Variants in HLA-DPA1 observed in about 807,000 individuals in gnomAD.
HLA-DPA1 encodes HLA class II histocompatibility antigen, DP alpha 1 chain.
HLA-DPA1 carries 20 observed loss-of-function variants against 21.5 expected under a neutral mutation model. The observed-to-expected ratio is 0.93, with a 90% CI of 0.66 to 1.35. The LOEUF is 1.35. HLA-DPA1 is among the 40% of genes most tolerant of loss of function. The probability of loss-of-function intolerance (pLI) is 0.00; values close to 1 mark genes in which losing one functional copy is unlikely to be tolerated. For synonymous variants in HLA-DPA1, 123 were observed against 129.6 expected, an observed-to-expected ratio of 0.95 and a Z score of 0.35; for missense variants, 279 against 323.0, an observed-to-expected ratio of 0.86 and a Z score of 1.05.
intron 4 of HLA-DPA1, 21 bp from the exon 4 acceptor site, chr6:33,068,825 T>C (rs369210530): frequency 6.7e-5 from 108 of 1,611,744 alleles, no homozygotes; most frequent in Non-Finnish European, 8.9e-5. Flanking sequence ...AATGAAGAGA[T>C]AGGGTCAGGA....
chr6:33,077,934 G>T (rs1380131136), intron 1 of HLA-DPA1, among the ~76,000 whole-genome samples: 1 of 152,152 alleles, frequency 6.6e-6, no homozygotes, highest in Admixed American at 6.5e-5. Flanking sequence ...GTCACAGAAG[G>T]GTGCTGAGAA....
At chr6:33,076,870 A>G (rs767146363) in intron 1 of HLA-DPA1, among the ~76,000 whole-genome samples, 4 of 152,068 alleles carry the variant, frequency 2.6e-5, no homozygotes, top group Non-Finnish European at 5.9e-5. Context: ...GTGTAATATT[A>G]TGGCATCTAT....
At chr6:33,079,776 C>G in intron 1 of HLA-DPA1, 1 of 485,630 alleles carries the variant, frequency 2.1e-6, no homozygotes, top group South Asian at 1.5e-5. Flanking sequence ...TCCAGAACTG[C>G]AAAGTCATCA....
At chr6:33,073,521 G>A in exon 2 of HLA-DPA1, 2 of 1,612,998 alleles carry the variant, frequency 1.2e-6, no homozygotes, top group African/African-American at 1.3e-5. Context: ...CAAGGAGAGG[G>A]CTCTCAAGAT....
chr6:33,072,877 A>G (rs6914348), intron 2 of HLA-DPA1, among the ~76,000 whole-genome samples: 29,388 of 152,148 alleles, frequency 0.19, 3,467 homozygotes, highest in African/African-American at 0.32. Flanking sequence ...CTGTCTTGAG[A>G]GAGGAAAGCT....
Position 33,064,613 on chromosome 6 carries a change from T to G in HLA-DPA1, c.*747A>C, listed in dbSNP as rs6920294. ...TTATTTCTTGGCTCTTAGTTTATCA[T>G]GTAGAAAAATCCTCCATGAAATATT... is the stretch of plus-strand genomic sequence containing the variant. On this transcript the variant is annotated 3_prime_UTR_variant, in exon 6 of 6. Coordinates refer to ENST00000419277, the Ensembl canonical transcript of HLA-DPA1. 68 of 134,294 alleles carry G rather than the reference T, an allele frequency of 5.1e-4. 1 individual carries two copies. In the East Asian group the frequency reaches 0.025, roughly 49 times the overall value. 8.3% of individuals were successfully genotyped at this position (134,294 alleles called of 1,614,324 possible).
chr6:33,079,699 C>T, intron 1 of HLA-DPA1: 1 of 507,148 alleles, frequency 2.0e-6, no homozygotes, highest in Non-Finnish European at 3.9e-6. Context: ...TCCACAGCCT[C>T]AAGGAGCTGA....
chr6:33,070,376 T>C (rs1285346921), intron 2 of HLA-DPA1, among the ~76,000 whole-genome samples: 1 of 152,210 alleles, frequency 6.6e-6, no homozygotes, highest in Admixed American at 6.5e-5. Context: ...GCGGAACTAG[T>C]AGAGAGGTTT....
chr6:33,072,436 G>A lies in HLA-DPA1; in HGVS notation c.100+1035C>T, dbSNP rs9469343. 5.4e-3 allele frequency among the ~76,000 whole-genome samples: 826 copies of A among 152,312 alleles called. 15 individuals are homozygous for A. The highest frequency in any genetic ancestry group is 0.019 in the African/African-American group (797 of 41,560). Reference sequence around the variant, plus strand: ...TGGGCAGGGAAGCCCTGAAGAGACAGCTGAGCTCATTAGGAATTTCTACCA... The same window carrying A: ...TGGGCAGGGAAGCCCTGAAGAGACAACTGAGCTCATTAGGAATTTCTACCA... On this transcript the variant is annotated intron_variant, in intron 2 of 5. Coordinates refer to ENST00000419277, the Ensembl canonical transcript of HLA-DPA1.
At chr6:33,073,366 C>T in intron 2 of HLA-DPA1, 105 bp downstream of exon 1, 1 of 755,174 alleles carries the variant, frequency 1.3e-6, no homozygotes, top group South Asian at 1.5e-5. Context: ...CTATGAGGAC[C>T]AGATAGATCA....
intron 5 of HLA-DPA1, chr6:33,066,576 T>A (rs73739627): frequency 0.29 from 43,420 of 151,962 alleles, 8,126 homozygotes; most frequent in East Asian, 0.66. Flanking sequence ...ATGGACTTCA[T>A]TACAAAATAT....
intron 1 of HLA-DPA1, among the ~76,000 whole-genome samples, chr6:33,076,596 G>A (rs1318601808): frequency 6.6e-6 from 1 of 152,200 alleles, no homozygotes; most frequent in East Asian, 1.9e-4. Flanking sequence ...CCCCAGGGTG[G>A]AGCAGGAGCC....
intron 2 of HLA-DPA1, among the ~76,000 whole-genome samples, chr6:33,072,477 A>G (rs1378568672): frequency 2.0e-5 from 3 of 152,234 alleles, no homozygotes; most frequent in Non-Finnish European, 2.9e-5. Context: ...ACTAAAAAGT[A>G]TTTGCATCTA....
chr6:33,069,886 G>T, exon 3 of HLA-DPA1: 1 of 1,608,204 alleles, frequency 6.2e-7, no homozygotes, highest in Non-Finnish European at 8.5e-7. Flanking sequence ...CACATGGTCC[G>T]CTGCATAAAG....
At chr6:33,070,185 A>G (rs569203839) in intron 2 of HLA-DPA1, among the ~76,000 whole-genome samples, 5 of 152,338 alleles carry the variant, frequency 3.3e-5, no homozygotes, top group Admixed American at 6.5e-5. Flanking sequence ...TAATAGTAAC[A>G]ATGACAGCTA....
chr6:33,068,119 C>T (rs1331020377), intron 5 of HLA-DPA1: 1 of 152,278 alleles, frequency 6.6e-6, no homozygotes, highest in Non-Finnish European at 1.5e-5. Context: ...TGGAATGAGT[C>T]CAAGTAGAGA....
At chr6:33,075,219 A>T (rs1762478923) in intron 1 of HLA-DPA1, among the ~76,000 whole-genome samples, 1 of 152,136 alleles carries the variant, frequency 6.6e-6, no homozygotes, top group African/African-American at 2.4e-5. Flanking sequence ...GCAATTTCAG[A>T]CCTATTGATC....
In HLA-DPA1 at chr6:33,068,721, T is replaced by C. The variant is rs1272898838; in HGVS notation, c.712A>G (p.Ile238Val). 2.5e-6 allele frequency: 4 copies of C among 1,612,946 alleles called. No homozygotes were observed. The Admixed American group carries it at 6.7e-5, about 27-fold the overall frequency. The change falls in exon 5 of 6, where the codon ATC becomes GTC. Residue 238 changes from isoleucine (I) to valine (V), a missense_variant. Coordinates refer to ENST00000419277, the Ensembl canonical transcript of HLA-DPA1. ...TTTATGATGAGGACGGTGCCCACGA[T>C]GATGCCGACTAGGCCCAGCACCAGG...
At chr6:33,072,533 A>G (rs1223550222) in intron 2 of HLA-DPA1, among the ~76,000 whole-genome samples, 2 of 152,212 alleles carry the variant, frequency 1.3e-5, no homozygotes, top group African/African-American at 4.8e-5. Context: ...AACATTAGAA[A>G]TAACTCAGGT....
Sources: gnomAD v4.1 joint callset for allele counts (sites outside exome capture counted in the v4.1 genomes callset) on GRCh38, gnomAD v4.1.1 for gene constraint, MANE v1.5 for transcripts, NCBI Gene and HGNC (gene_info 2026-07-23, HGNC 2026-07-21) for gene names.